The following EPHA4 variants were observed in gnomAD, a reference collection of about 807,000 sequenced individuals.
EPHA4 encodes EPH receptor A4, also known as ephrin type-A receptor 4.
EPHA4 carries 19 observed loss-of-function variants against 108.3 expected under a neutral mutation model. That is an observed-to-expected ratio of 0.18 (90% CI 0.12 to 0.26). The LOEUF (loss-of-function observed/expected upper bound fraction) is 0.26. Ranked by LOEUF, EPHA4 falls within the 10% of genes least tolerant of loss-of-function variation. The pLI is 1.00. For missense variants in EPHA4, 917 were observed against 1,254.0 expected, an observed-to-expected ratio of 0.73 and a Z score of 4.06; for synonymous variants, 449 against 455.5, an observed-to-expected ratio of 0.99 and a Z score of 0.18.
At position 221,568,848 on chromosome 2, in the gene EPHA4, C is replaced by T. The variant is rs925712518; in HGVS notation, c.92-63G>A. 5.6e-6 allele frequency: 8 copies of T among 1,437,210 alleles called. No individual in the cohort carries two copies. In the African/African-American group the frequency reaches 9.8e-5, roughly 18 times the overall value. 89.0% of individuals were successfully genotyped at this position (1,437,210 alleles called of 1,614,324 possible). ...TGCAAAAAGCCAATAACACAAAAACCATTTGCCTGAGCGTTTCCATATGTG... is the reference window on the plus strand; with the variant it reads ...TGCAAAAAGCCAATAACACAAAAACTATTTGCCTGAGCGTTTCCATATGTG... On this transcript the variant is annotated intron_variant, in intron 1 of 17. Coordinates refer to ENST00000281821, the MANE Select transcript of EPHA4 (RefSeq NM_004438.5).
rs1312612580 is a variant in EPHA4 at position 221,456,703 on chromosome 2, G to C, written c.1513C>G (p.Pro505Ala). The C allele has an allele frequency of 8.7e-6, 14 of 1,613,958 alleles. No homozygotes were observed. Among genetic ancestry groups the C allele is most frequent in the Non-Finnish European group, 1.2e-5 (14 of 1,179,904 alleles). Reference protein sequence around the residue: ...ARNTDIKGLNPLTSYVFHVRA... With the variant: ...ARNTDIKGLNALTSYVFHVRA... Reference sequence around the variant, plus strand: ...ACGTGGAAAACATAGGAAGTGAGAGGGTTCAGGCCTTTGATATCTGTGTTC... The same window carrying C: ...ACGTGGAAAACATAGGAAGTGAGAGCGTTCAGGCCTTTGATATCTGTGTTC... The change falls in exon 7 of 18, where the codon CCT becomes GCT. Residue 505 changes from proline (P) to alanine (A), a missense_variant. Transcript: ENST00000281821.
At chr2:221,446,041 G>A (rs967582935) in intron 9 of EPHA4, 82 bp downstream of exon 9, 13 of 829,666 alleles carry the variant, frequency 1.6e-5, no homozygotes, top group Non-Finnish European at 2.2e-5. Context: ...TAATAGCCAC[G>A]TAAATATTAT....
chr2:221,447,845 A>ATTT (rs1559244929), intron 8 of EPHA4, among the ~76,000 whole-genome samples: 9 of 139,168 alleles, frequency 6.5e-5, no homozygotes, highest in Admixed American at 7.1e-5. Flanking sequence ...TTATTTATTT[A>ATTT]ATTTATTATT....
At position 221,502,104 on chromosome 2, in the gene EPHA4, A is replaced by G. The variant is rs528179392; in HGVS notation, c.824-932T>C. ...TCATAAACATCACACTGACACTGTC[A>G]TCATACTGACACTAAGGACCACTTT... On this transcript the variant is annotated intron_variant, in intron 3 of 17. Transcript: ENST00000281821. Among the ~76,000 whole-genome samples, 16 of 152,254 alleles carry G rather than the reference A, an allele frequency of 1.1e-4. No individual in the cohort carries two copies. The South Asian group carries it at 3.1e-3, about 30-fold the overall frequency.
Position 221,564,142 on chromosome 2 carries a change from TG to T in EPHA4, c.411del (p.Arg138GlufsTer27). 6.2e-7 allele frequency: 1 copy of T among 1,614,198 alleles called. No homozygotes were observed. The highest frequency in any genetic ancestry group is 8.5e-7 in the Non-Finnish European group (1 of 1,180,038). On this transcript the variant is annotated frameshift_variant, in exon 3 of 18. Transcript: ENST00000281821. LOFTEE classifies it high-confidence loss of function. ...TCAATTTTGACAAACTGGTTCTCTC[TG>T]ATGAAACGCTCTTTGTCGTTGTCTG... is the stretch of plus-strand genomic sequence containing the variant. Reference protein sequence around the residue: ...YESDNDKERFIRENQFVKIDT... With the variant: ...YESDNDKERFXRENQFVKIDT...
intron 3 of EPHA4, among the ~76,000 whole-genome samples, chr2:221,546,941 T>TA (rs1293669098): frequency 6.6e-6 from 1 of 151,902 alleles, no homozygotes; most frequent in African/African-American, 2.4e-5. Context: ...GCTAAGAGGC[T>TA]AAAAAAATAA....
chr2:221,534,668 C>T (rs1434690172), intron 3 of EPHA4, among the ~76,000 whole-genome samples: 1 of 152,152 alleles, frequency 6.6e-6, no homozygotes, highest in East Asian at 1.9e-4. Context: ...TAGTCAATAA[C>T]TTTTTGATTG....
chr2:221,550,319 G>C (rs1694118997), intron 3 of EPHA4, among the ~76,000 whole-genome samples: 1 of 151,738 alleles, frequency 6.6e-6, no homozygotes, highest in Non-Finnish European at 1.5e-5. Flanking sequence ...AGAAAAGATA[G>C]TTCTCATGCA....
At chr2:221,474,160 A>G (rs1425122921) in intron 5 of EPHA4, among the ~76,000 whole-genome samples, 1 of 152,176 alleles carries the variant, frequency 6.6e-6, no homozygotes, top group East Asian at 1.9e-4. Flanking sequence ...TCAACCTTGA[A>G]AAGTTGGATA....
At chr2:221,535,125 T>G (rs1393647935) in intron 3 of EPHA4, among the ~76,000 whole-genome samples, 1 of 152,164 alleles carries the variant, frequency 6.6e-6, no homozygotes, top group Non-Finnish European at 1.5e-5. Context: ...GGAAATCACT[T>G]TCAACTGGGT....
intron 15 of EPHA4, among the ~76,000 whole-genome samples, chr2:221,428,451 T>C (rs1255447644): frequency 6.6e-6 from 1 of 152,222 alleles, no homozygotes; most frequent in East Asian, 1.9e-4. Flanking sequence ...ATAGTGTATC[T>C]AATACCTCAA....
intron 3 of EPHA4, among the ~76,000 whole-genome samples, chr2:221,553,440 A>T: frequency 6.6e-6 from 1 of 152,224 alleles, no homozygotes; most frequent in Non-Finnish European, 1.5e-5. Context: ...GCTGAGTCTT[A>T]ACTGATCATG....
At chr2:221,444,932 A>AT (rs142818072) in intron 9 of EPHA4, among the ~76,000 whole-genome samples, 5 of 151,182 alleles carry the variant, frequency 3.3e-5, no homozygotes, top group Non-Finnish European at 3.0e-5. Flanking sequence ...TAATTTAGTT[A>AT]TTTTTTGTAG....
chr2:221,562,514 C>A (rs1370783538), intron 3 of EPHA4, among the ~76,000 whole-genome samples: 6 of 152,218 alleles, frequency 3.9e-5, no homozygotes, highest in Admixed American at 6.5e-5. Context: ...AATTGTTTGG[C>A]AGTCAGTTAA....
intron 3 of EPHA4, among the ~76,000 whole-genome samples, chr2:221,515,507 CA>C (rs770844575): frequency 9.2e-5 from 14 of 152,156 alleles, no homozygotes; most frequent in Non-Finnish European, 2.1e-4. Context: ...AATCAACAAT[CA>C]AAATTAGATC....
chr2:221,446,451 A>G (rs1037954173), intron 8 of EPHA4, among the ~76,000 whole-genome samples: 1 of 152,080 alleles, frequency 6.6e-6, no homozygotes, highest in Admixed American at 6.6e-5. Context: ...TTATAATATA[A>G]TTATAATTTA....
intron 4 of EPHA4, among the ~76,000 whole-genome samples, chr2:221,486,351 T>G (rs1245561928): frequency 6.6e-6 from 1 of 152,172 alleles, no homozygotes; most frequent in Admixed American, 6.5e-5. Flanking sequence ...TTTCCTTTCC[T>G]GCTTTGTTTG....
chr2:221,436,607 T>G lies in EPHA4; in HGVS notation c.2138A>C (p.Lys713Thr). The G allele has an allele frequency of 6.2e-7, 1 of 1,614,048 alleles. No homozygotes were observed. Among genetic ancestry groups the G allele is most frequent in the Non-Finnish European group, 8.5e-7 (1 of 1,180,002 alleles). ...ENGSLDAFLR[K>T]NDGRFTVIQL... ...AATGACTGTAAATCTGCCATCATTT[T>G]TCTGCATAGAAAAGGAGTGAGGAAC... Residue 713 changes from lysine (K) to threonine (T), a missense_variant and splice_region_variant, in exon 13 of 18, where the codon AAA (lysine) becomes ACA (threonine). Lys to Thr is a moderately conservative substitution (Grantham distance 78, BLOSUM62 -1). Coordinates refer to ENST00000281821, the MANE Select transcript of EPHA4 (RefSeq NM_004438.5).
intron 3 of EPHA4, among the ~76,000 whole-genome samples, chr2:221,553,777 GC>G (rs1337869564): frequency 1.3e-5 from 2 of 152,138 alleles, no homozygotes; most frequent in Non-Finnish European, 2.9e-5. Context: ...AATCCAATTT[GC>G]TTTGAAGCGC....
Sources: gnomAD v4.1 joint callset for allele counts (sites outside exome capture counted in the v4.1 genomes callset) on GRCh38, gnomAD v4.1.1 for gene constraint, MANE v1.5 for transcripts, NCBI Gene and HGNC (gene_info 2026-07-23, HGNC 2026-07-21) for gene names.